Variants in TIPIN observed in about 807,000 individuals in gnomAD.
TIPIN encodes TIMELESS-interacting protein.
In TIPIN, 29 loss-of-function variants were observed where a neutral mutation model predicts 35.6. The observed-to-expected ratio is 0.82, with a 90% CI of 0.61 to 1.11. TIPIN has a LOEUF of 1.11. Among genes scored for constraint, TIPIN ranks in the 50% most tolerant of loss-of-function variants. TIPIN has a pLI of 0.00. For synonymous variants in TIPIN, 102 were observed against 121.5 expected, an observed-to-expected ratio of 0.84 and a Z score of 1.06; for missense variants, 296 against 345.4, an observed-to-expected ratio of 0.86 and a Z score of 1.13.
intron 3 of TIPIN, among the ~76,000 whole-genome samples, chr15:66,351,895 T>C (rs894709827): frequency 2.0e-5 from 3 of 151,668 alleles, no homozygotes; most frequent in Non-Finnish European, 4.4e-5. Flanking sequence ...CACGTAGGCC[T>C]CCCAAAGAGC....
chr15:66,352,249 G>A (rs1352767858), intron 2 of TIPIN, 42 bp from the exon 3 acceptor site: 2 of 1,394,280 alleles, frequency 1.4e-6, no homozygotes, highest in Non-Finnish European at 2.0e-6. Context: ...GTACTTAAAT[G>A]ATTTGTATTA....
chr15:66,354,220 AC>A (rs558913956), intron 1 of TIPIN, among the ~76,000 whole-genome samples: 12 of 152,166 alleles, frequency 7.9e-5, no homozygotes, highest in Non-Finnish European at 1.5e-4. Flanking sequence ...GATCCAGATC[AC>A]TACTTCCCAT....
upstream of TIPIN, among the ~76,000 whole-genome samples, chr15:66,361,028 A>C (rs1401861343): frequency 7.2e-6 from 1 of 138,032 alleles, no homozygotes; most frequent in Non-Finnish European, 1.5e-5. Context: ...TCTACTCGGA[A>C]GGCTGACGAA....
rs895471022 is a variant in TIPIN, at chr15:66,382,927, G to A, written c.-9+3680C>T. 59 of 985,272 alleles carry A rather than the reference G, an allele frequency of 6.0e-5. No homozygotes were observed. In the Middle Eastern group the frequency reaches 1.6e-3, roughly 26 times the overall value. The allele number at this position is 985,272 out of a possible 1,614,324, so 61.0% of individuals were successfully genotyped here. ...GCCCTCAGGAAAAGTTGACAGAACC[G>A]ATGGATCACTGCCGGTCTGAAAAGG... On this transcript the variant is annotated intron_variant, in intron 1 of 7. Transcript: ENST00000562124.
At chr15:66,382,846 T>C in intron 1 of TIPIN, 2 of 595,822 alleles carry the variant, frequency 3.4e-6, no homozygotes, top group South Asian at 1.5e-4. Context: ...ACATCACTGA[T>C]TCATACACAT....
intron 1 of TIPIN, among the ~76,000 whole-genome samples, chr15:66,380,191 C>T (rs557291525): frequency 3.0e-4 from 45 of 150,584 alleles, no homozygotes; most frequent in African/African-American, 1.0e-3. Context: ...TTAGTAGAGA[C>T]GGTGGTGTTT....
At chr15:66,379,643 C>T in intron 1 of TIPIN, 1 of 1,610,170 alleles carries the variant, frequency 6.2e-7, no homozygotes, top group Admixed American at 1.7e-5. Context: ...CAGACCTCAT[C>T]TTGTAACGGA....
At chr15:66,386,701 G>C (rs1175203263) in exon 1 of TIPIN, 1 of 184,198 alleles carries the variant, frequency 5.4e-6, no homozygotes, top group Non-Finnish European at 1.2e-5. Flanking sequence ...TTGCCTCGGG[G>C]CGACAGAGGG....
intron 2 of TIPIN, among the ~76,000 whole-genome samples, 155 bp from the exon 3 acceptor site, chr15:66,352,362 G>A (rs959612009): frequency 3.3e-5 from 5 of 152,120 alleles, no homozygotes; most frequent in East Asian, 3.9e-4. Context: ...GCAGTGGTGC[G>A]ATCTTGGCTC....
rs756941196 is a variant in TIPIN at position 66,341,361 on chromosome 15, A to G, written c.476-5T>C. The G allele has an allele frequency of 1.2e-6, 2 of 1,606,248 alleles. No homozygotes were observed. On this transcript the variant is annotated splice_polypyrimidine_tract_variant and splice_region_variant and intron_variant, in intron 6 of 7. Coordinates refer to ENST00000261881, the MANE Select transcript of TIPIN (RefSeq NM_017858.3). Reference sequence around the variant, plus strand: ...CATTATTCTCCGCAACTTCATCTGCAATAGAAAAGAAATAGTACATCTGTG... The same window carrying G: ...CATTATTCTCCGCAACTTCATCTGCGATAGAAAAGAAATAGTACATCTGTG...
At chr15:66,366,688 A>G in intron 1 of TIPIN, 1 of 379,694 alleles carries the variant, frequency 2.6e-6, no homozygotes, top group South Asian at 1.1e-4. Context: ...AATTGCTTGA[A>G]CCCAGGAGGC....
At chr15:66,356,097 T>A (rs2140471577) in intron 1 of TIPIN, among the ~76,000 whole-genome samples, 1 of 152,300 alleles carries the variant, frequency 6.6e-6, no homozygotes, top group South Asian at 2.1e-4. Context: ...ACAAATGTTA[T>A]GTCCAAACCA....
chr15:66,366,154 A>AG (rs2093252998), intron 1 of TIPIN, among the ~76,000 whole-genome samples: 1 of 112,288 alleles, frequency 8.9e-6, no homozygotes, highest in Non-Finnish European at 1.8e-5. Context: ...AGTCCCTCCC[A>AG]AAAAAAAAAA....
At chr15:66,365,473 G>A (rs908418689) in intron 1 of TIPIN, among the ~76,000 whole-genome samples, 5 of 152,096 alleles carry the variant, frequency 3.3e-5, no homozygotes, top group Non-Finnish European at 7.4e-5. Context: ...TAATCCACCC[G>A]TTTAGTATAT....
intron 1 of TIPIN, among the ~76,000 whole-genome samples, chr15:66,367,222 A>ATATCTATATCTATATATCTATATCTG (rs1278520988): frequency 6.8e-5 from 10 of 147,998 alleles, no homozygotes; most frequent in Non-Finnish European, 1.5e-4. Flanking sequence ...ATCTATATCT[A>ATATCTATATCTATATATCTATATCTG]TATCTGTATC....
At chr15:66,349,267 C>T in intron 5 of TIPIN, 48 bp downstream of exon 5, 1 of 1,607,818 alleles carries the variant, frequency 6.2e-7, no homozygotes, top group Non-Finnish European at 8.5e-7. Flanking sequence ...CTAAATCTAC[C>T]CTACCATTTA....
At chr15:66,350,504 C>G (rs2140460286) in intron 4 of TIPIN, among the ~76,000 whole-genome samples, 1 of 151,702 alleles carries the variant, frequency 6.6e-6, no homozygotes, top group South Asian at 2.1e-4. Flanking sequence ...ACTTGGGAGG[C>G]TGAAGCAGTA....
chr15:66,365,791 C>T (rs953784642), intron 1 of TIPIN, among the ~76,000 whole-genome samples: 4 of 151,998 alleles, frequency 2.6e-5, no homozygotes, highest in African/African-American at 9.7e-5. Flanking sequence ...GTGATCTGCC[C>T]GCCTCAGCCT....
chr15:66,343,295 T>C (rs1361756277), intron 6 of TIPIN, among the ~76,000 whole-genome samples: 1 of 152,182 alleles, frequency 6.6e-6, no homozygotes, highest in Non-Finnish European at 1.5e-5. Context: ...ATCCATATTA[T>C]GAAATTAAAA....
Sources: allele counts gnomAD v4.1 joint callset (sites outside exome capture counted in the v4.1 genomes callset), GRCh38; gene constraint gnomAD v4.1.1; transcripts MANE v1.5; gene names NCBI Gene and HGNC (gene_info 2026-07-23, HGNC 2026-07-21).